The following PRKN variants were observed in gnomAD, a reference collection of about 807,000 sequenced individuals.
The protein encoded by PRKN is E3 ubiquitin-protein ligase parkin.
In PRKN, 56 loss-of-function variants were observed where a neutral mutation model predicts 59.5. The observed-to-expected ratio is 0.94, with a 90% CI of 0.76 to 1.18. The LOEUF (loss-of-function observed/expected upper bound fraction) is 1.18. PRKN is among the 50% of genes most tolerant of loss of function. The probability of loss-of-function intolerance (pLI) is 0.00; values close to 1 mark genes in which losing one functional copy is unlikely to be tolerated. For missense variants in PRKN, 657 were observed against 596.4 expected (o/e 1.10, Z -1.06); for synonymous variants, 250 against 222.1 (o/e 1.13, Z -1.12).
chr6:162,462,951 GGGTGT>G (rs934238808), intron 1 of PRKN, among the ~76,000 whole-genome samples: 5 of 152,046 alleles, frequency 3.3e-5, no homozygotes, highest in Non-Finnish European at 7.4e-5. Flanking sequence ...AAACTTAGCT[GGGTGT>G]GGTAGTGGGC....
chr6:161,947,522 G>A (rs1298045353), intron 6 of PRKN, among the ~76,000 whole-genome samples: 4 of 152,148 alleles, frequency 2.6e-5, no homozygotes, highest in Non-Finnish European at 5.9e-5. Flanking sequence ...TGTGACTACA[G>A]GAGGCAGCGG....
chr6:162,049,597 A>T (rs779051866), intron 5 of PRKN, among the ~76,000 whole-genome samples: 1 of 152,152 alleles, frequency 6.6e-6, no homozygotes, highest in Non-Finnish European at 1.5e-5. Flanking sequence ...TTGGGTATTT[A>T]TGATCCTTAA....
At chr6:162,151,428 A>G (rs977424801) in intron 4 of PRKN, among the ~76,000 whole-genome samples, 3 of 152,180 alleles carry the variant, frequency 2.0e-5, no homozygotes, top group African/African-American at 7.2e-5. Flanking sequence ...CAGCTTCGCA[A>G]TTCTTCACCT....
chr6:161,705,747 G>A (rs778086662), intron 7 of PRKN, among the ~76,000 whole-genome samples: 2 of 152,106 alleles, frequency 1.3e-5, no homozygotes, highest in Non-Finnish European at 2.9e-5. Flanking sequence ...GATGGAAGAC[G>A]CTTTACCAGG....
chr6:161,676,534 A>G (rs1330443352), intron 7 of PRKN, among the ~76,000 whole-genome samples: 2 of 152,252 alleles, frequency 1.3e-5, no homozygotes, highest in South Asian at 2.1e-4. Context: ...GTCTGTAAGT[A>G]AAGTCTGATT....
At position 161,466,256 on chromosome 6, in the gene PRKN, T is replaced by C. The variant is rs964274809; in HGVS notation, c.1084-79379A>G. Among the ~76,000 whole-genome samples, 3 of 152,240 alleles carry C rather than the reference T, an allele frequency of 2.0e-5. No individual in the cohort carries two copies. In the East Asian group the frequency reaches 5.8e-4, roughly 29 times the overall value. ...TACTTACCTCTTCTGCTCAGTCTTC[T>C]GTTAACCTGTTGAATGATTTAGTCA... On this transcript the variant is annotated intron_variant, in intron 9 of 11. Coordinates refer to ENST00000366898, the MANE Select transcript of PRKN (RefSeq NM_004562.3). The surrounding 1 kb of genome is among the most constrained non-coding windows in gnomAD (Gnocchi z 5.0).
Position 161,779,428 on chromosome 6 carries a change from TTCTTTTCTTTTC to T in PRKN, c.871+6332_871+6343del, listed in dbSNP as rs1357024654. Among the ~76,000 whole-genome samples, 4 of 91,992 alleles carry T rather than the reference TTCTTTTCTTTTC, an allele frequency of 4.3e-5. No homozygotes were observed. The East Asian group carries it at 1.2e-3, about 29-fold the overall frequency. 60.4% of individuals were successfully genotyped at this position (91,992 alleles called of 152,430 possible). A position where few individuals can be genotyped will look rare whatever the true frequency, so the allele number is the denominator to read the frequency against. On this transcript the variant is annotated intron_variant, in intron 7 of 11. Transcript: ENST00000366898. Reference sequence around the variant, plus strand: ...CCTTTCTTTTCTTTTTTTTCTCTTTTTCTTTTCTTTTCTTTTTTTTTTTTTTTTTTTTTTGAG... The same window carrying T: ...CCTTTCTTTTCTTTTTTTTCTCTTTTTTTTTTTTTTTTTTTTTTTTTTGAG...
chr6:161,580,135 T>C (rs1781279724), intron 7 of PRKN, among the ~76,000 whole-genome samples: 1 of 152,210 alleles, frequency 6.6e-6, no homozygotes, highest in Non-Finnish European at 1.5e-5. Flanking sequence ...CCACACAGCT[T>C]TGAGTATATT....
chr6:161,722,006 G>C (rs887124248), intron 7 of PRKN, among the ~76,000 whole-genome samples: 3 of 152,124 alleles, frequency 2.0e-5, no homozygotes, highest in Admixed American at 1.3e-4. Flanking sequence ...CACAGGGAGG[G>C]AATCCATTGA....
intron 9 of PRKN, among the ~76,000 whole-genome samples, chr6:161,412,171 A>G (rs575970911): frequency 4.5e-4 from 59 of 130,832 alleles, no homozygotes; most frequent in African/African-American, 1.3e-3. Flanking sequence ...CCACTCACTC[A>G]TTCCTTCCTC....
At chr6:161,779,782 T>G (rs937520435) in intron 7 of PRKN, among the ~76,000 whole-genome samples, 1 of 152,158 alleles carries the variant, frequency 6.6e-6, no homozygotes, top group Non-Finnish European at 1.5e-5. Context: ...GTTATCATTT[T>G]ATTTTATGTG....
At chr6:162,509,674 A>C (rs984488767) in intron 1 of PRKN, among the ~76,000 whole-genome samples, 4 of 152,230 alleles carry the variant, frequency 2.6e-5, no homozygotes, top group African/African-American at 7.2e-5. Context: ...GTCTTACATT[A>C]CAAAGGATGT....
chr6:161,721,630 C>T (rs1331813555), intron 7 of PRKN, among the ~76,000 whole-genome samples: 4 of 152,226 alleles, frequency 2.6e-5, no homozygotes, highest in South Asian at 4.1e-4. Flanking sequence ...ATTTTATGGA[C>T]GCACCTGTTC....
chr6:162,054,525 T>C (rs1283346944), intron 4 of PRKN, among the ~76,000 whole-genome samples: 1 of 152,148 alleles, frequency 6.6e-6, no homozygotes. Flanking sequence ...CTTTGCTTCA[T>C]AATAATTATT....
At position 162,318,197 on chromosome 6, in the gene PRKN, C is replaced by A. The variant is rs114763380; in HGVS notation, c.172-55432G>T. Reference sequence around the variant, plus strand: ...TTCTGTGTGACTGCTTATTTCACTTCGAATATTTTCCGAGTTCTTCCATGT... The same window carrying A: ...TTCTGTGTGACTGCTTATTTCACTTAGAATATTTTCCGAGTTCTTCCATGT... On this transcript the variant is annotated intron_variant, in intron 2 of 11. Coordinates refer to ENST00000366898, the MANE Select transcript of PRKN (RefSeq NM_004562.3). Among the ~76,000 whole-genome samples the A allele has an allele frequency of 2.8e-3, 420 of 152,108 alleles. 2 individuals carry two copies. Among genetic ancestry groups the A allele is most frequent in the African/African-American group, 9.6e-3 (399 of 41,514 alleles).
intron 1 of PRKN, among the ~76,000 whole-genome samples, chr6:162,526,271 G>GAAAA (rs1369122451): frequency 6.2e-5 from 9 of 145,038 alleles, no homozygotes; most frequent in South Asian, 4.3e-4. Context: ...AAGGCTAAGG[G>GAAAA]AAAAAAAAAA....
At chr6:161,982,068 C>T (rs868116222) in intron 5 of PRKN, among the ~76,000 whole-genome samples, 1 of 152,170 alleles carries the variant, frequency 6.6e-6, no homozygotes, top group Non-Finnish European at 1.5e-5. Flanking sequence ...AACCCACATC[C>T]GCCCCTTCTC....
chr6:161,524,824 G>A (rs1472767767), intron 9 of PRKN, among the ~76,000 whole-genome samples: 1 of 152,098 alleles, frequency 6.6e-6, no homozygotes, highest in African/African-American at 2.4e-5. Context: ...GCACAACATC[G>A]TAAGAGTTTG....
intron 1 of PRKN, among the ~76,000 whole-genome samples, chr6:162,688,746 A>G (rs1777658558): frequency 6.6e-6 from 1 of 152,178 alleles, no homozygotes; most frequent in Non-Finnish European, 1.5e-5. Flanking sequence ...AAAGAGTTTT[A>G]TTTGCTCTCT....
Sources: allele counts gnomAD v4.1 joint callset (sites outside exome capture counted in the v4.1 genomes callset), GRCh38; gene constraint gnomAD v4.1.1; non-coding constraint Gnocchi (gnomAD v3.1); transcripts MANE v1.5; gene names NCBI Gene and HGNC (gene_info 2026-07-23, HGNC 2026-07-21).